NPEPPS: variants seen among roughly 807,000 people sequenced by gnomAD.
The protein encoded by NPEPPS is puromycin-sensitive aminopeptidase.
NPEPPS carries 14 observed loss-of-function variants against 115.5 expected under a neutral mutation model. That is an observed-to-expected ratio of 0.12 (90% CI 0.08 to 0.19). The LOEUF (loss-of-function observed/expected upper bound fraction) is 0.19, where lower values mean the gene tolerates loss of function less well. NPEPPS is among the 10% of genes least tolerant of loss of function. The pLI, the probability that NPEPPS is intolerant of heterozygous loss-of-function variation, is 1.00. For missense variants in NPEPPS, 523 were observed against 1,110.8 expected, an observed-to-expected ratio of 0.47 and a Z score of 7.52; for synonymous variants, 285 against 390.6, an observed-to-expected ratio of 0.73 and a Z score of 3.19.
intron 22 of NPEPPS, among the ~76,000 whole-genome samples, chr17:47,620,411 T>G (rs1914493886): frequency 1.3e-5 from 2 of 151,944 alleles, no homozygotes; most frequent in African/African-American, 4.8e-5. Flanking sequence ...TACAGTAGGG[T>G]AGTGGCAGTA....
chr17:47,559,203 T>C (rs1036985668), intron 2 of NPEPPS, among the ~76,000 whole-genome samples: 2 of 152,154 alleles, frequency 1.3e-5, no homozygotes, highest in African/African-American at 4.8e-5. Flanking sequence ...GCTACCGTGG[T>C]GCCTGGCTAA....
At chr17:47,570,970 T>C (rs1285476761) in intron 3 of NPEPPS, among the ~76,000 whole-genome samples, 4 of 152,220 alleles carry the variant, frequency 2.6e-5, no homozygotes, top group Non-Finnish European at 4.4e-5. Context: ...AAGTCATAAA[T>C]ACAGAAAATA....
At chr17:47,601,128 A>G (rs966404027) in intron 14 of NPEPPS, among the ~76,000 whole-genome samples, 2 of 152,098 alleles carry the variant, frequency 1.3e-5, no homozygotes, top group African/African-American at 4.8e-5. Flanking sequence ...CCAGCTACTC[A>G]GGAAGCTGAG....
In NPEPPS at chr17:47,605,528, G is replaced by A. The variant is rs773386794; in HGVS notation, c.2071G>A (p.Gly691Ser). The change falls in exon 17 of 23, where the codon GGC becomes AGC. Residue 691 changes from glycine to serine, a missense_variant. Coordinates refer to ENST00000322157, the MANE Select transcript of NPEPPS (RefSeq NM_006310.4). ...CTTTTCACCTATAGGGGAGAGACTGGGCTGGGACCCCAAACCTGGAGAAGG... is the reference window on the plus strand; with the variant it reads ...CTTTTCACCTATAGGGGAGAGACTGAGCTGGGACCCCAAACCTGGAGAAGG... ...DVFSPIGERL[G>S]WDPKPGEGHL... 6.3e-7 allele frequency: 1 copy of A among 1,594,448 alleles called. No homozygotes were observed. The highest frequency in any genetic ancestry group is 1.1e-5 in the South Asian group (1 of 88,208).
intron 13 of NPEPPS, 70 bp from the exon 14 acceptor site, chr17:47,599,606 C>T: frequency 8.1e-7 from 1 of 1,233,870 alleles, no homozygotes; most frequent in East Asian, 2.5e-5. Context: ...TGTCTCCCTC[C>T]TCTTCAAAAA....
intron 2 of NPEPPS, among the ~76,000 whole-genome samples, chr17:47,558,655 C>T (rs1157681770): frequency 4.6e-5 from 7 of 152,204 alleles, no homozygotes; most frequent in Non-Finnish European, 1.0e-4. Context: ...TCTTGAACTC[C>T]TGTCCTCAGG....
At chr17:47,563,991 G>T (rs925886299) in intron 2 of NPEPPS, among the ~76,000 whole-genome samples, 4 of 151,912 alleles carry the variant, frequency 2.6e-5, no homozygotes, top group African/African-American at 9.7e-5. Flanking sequence ...TGAGTGCAGT[G>T]GTGTGATCTC....
chr17:47,604,789 G>A (rs1913417987), intron 16 of NPEPPS, among the ~76,000 whole-genome samples: 2 of 152,202 alleles, frequency 1.3e-5, no homozygotes, highest in African/African-American at 4.8e-5. Flanking sequence ...TGTAACAGAA[G>A]TTCTTTTTCC....
At chr17:47,523,378 C>A (rs1907296504) in intron 1 of NPEPPS, among the ~76,000 whole-genome samples, 1 of 150,170 alleles carries the variant, frequency 6.7e-6, no homozygotes, top group African/African-American at 2.5e-5. Context: ...TTTTACTAGT[C>A]CTGCTACAAA....
At chr17:47,542,275 G>A (rs1908820254) in intron 1 of NPEPPS, among the ~76,000 whole-genome samples, 1 of 152,060 alleles carries the variant, frequency 6.6e-6, no homozygotes, top group Non-Finnish European at 1.5e-5. Flanking sequence ...GGCCAGGTGC[G>A]GTGGCTCATG....
chr17:47,601,556 C>T (rs919966626), intron 14 of NPEPPS, 52 bp from the exon 15 acceptor site: 1 of 1,607,658 alleles, frequency 6.2e-7, no homozygotes. Context: ...CTCTCTCCAC[C>T]TTACCTTCTG....
At chr17:47,537,694 C>CT (rs1452694977) in intron 1 of NPEPPS, among the ~76,000 whole-genome samples, 1 of 150,344 alleles carries the variant, frequency 6.7e-6, no homozygotes, top group African/African-American at 2.5e-5. Context: ...CAGCGAGACC[C>CT]TGTCTTTAAA....
intron 16 of NPEPPS, among the ~76,000 whole-genome samples, chr17:47,605,004 C>T (rs937361651): frequency 1.3e-4 from 20 of 152,098 alleles, no homozygotes; most frequent in African/African-American, 4.6e-4. Flanking sequence ...AGCCAAGTCC[C>T]CAGAAACTGA....
At chr17:47,546,902 A>T (rs756973723) in intron 2 of NPEPPS, among the ~76,000 whole-genome samples, 1 of 152,238 alleles carries the variant, frequency 6.6e-6, no homozygotes, top group Non-Finnish European at 1.5e-5. Flanking sequence ...TCACATTTTC[A>T]TAAGTATAAA....
chr17:47,588,138 A>G (rs1912300582), intron 9 of NPEPPS, among the ~76,000 whole-genome samples: 1 of 152,260 alleles, frequency 6.6e-6, no homozygotes, highest in Non-Finnish European at 1.5e-5. Flanking sequence ...CGTCATATAA[A>G]TAAGAATGTA....
At chr17:47,608,181 G>A (rs1045900014) in intron 17 of NPEPPS, among the ~76,000 whole-genome samples, 8 of 152,200 alleles carry the variant, frequency 5.3e-5, no homozygotes, top group South Asian at 4.1e-4. Flanking sequence ...CAGGCCAGGC[G>A]TGGTAGCTCA....
upstream of NPEPPS, among the ~76,000 whole-genome samples, chr17:47,527,888 G>T (rs1907504796): frequency 6.7e-6 from 1 of 150,368 alleles, no homozygotes; most frequent in African/African-American, 2.4e-5. Context: ...GGCAGAGGTT[G>T]CAGGAGCCAA....
At chr17:47,603,781 A>G (rs946703520) in intron 15 of NPEPPS, 134 bp from the exon 16 acceptor site, 4 of 689,144 alleles carry the variant, frequency 5.8e-6, no homozygotes, top group African/African-American at 3.6e-5. Context: ...GTTTTAATCC[A>G]TTAGTTGGCA....
intron 1 of NPEPPS, among the ~76,000 whole-genome samples, chr17:47,534,363 G>A (rs1333834799): frequency 1.3e-5 from 2 of 152,182 alleles, no homozygotes; most frequent in African/African-American, 4.8e-5. Context: ...ACAGGCGTGA[G>A]CCACTGTGCC....
Sources: allele counts gnomAD v4.1 joint callset (sites outside exome capture counted in the v4.1 genomes callset), GRCh38; gene constraint gnomAD v4.1.1; transcripts MANE v1.5; gene names NCBI Gene and HGNC (gene_info 2026-07-23, HGNC 2026-07-21).